CNTNAP2: variants seen among roughly 807,000 people sequenced by gnomAD.
CNTNAP2 encodes the protein contactin associated protein 2, also known as contactin-associated protein-like 2.
In CNTNAP2, 98 loss-of-function variants were observed where a neutral mutation model predicts 155.2. The observed-to-expected ratio is 0.63, with a 90% confidence interval of 0.54 to 0.75. The LOEUF is 0.75. Ranked by LOEUF, CNTNAP2 falls within the 30% of genes least tolerant of loss-of-function variation. The pLI is 0.00. For missense variants in CNTNAP2, 1,727 were observed against 1,688.1 expected, an observed-to-expected ratio of 1.02 and a Z score of -0.40; for synonymous variants, 651 against 631.2, an observed-to-expected ratio of 1.03 and a Z score of -0.47.
chr7:146,125,995 T>C (rs1797630568), intron 1 of CNTNAP2, among the ~76,000 whole-genome samples: 1 of 152,232 alleles, frequency 6.6e-6, no homozygotes, highest in Admixed American at 6.5e-5. Context: ...TAAATGTTTC[T>C]TCCCAGCCTT....
chr7:148,194,169 AT>A (rs957449717), intron 18 of CNTNAP2, among the ~76,000 whole-genome samples: 4 of 144,890 alleles, frequency 2.8e-5, no homozygotes, highest in Admixed American at 1.4e-4. Flanking sequence ...GTGTGTACAT[AT>A]TTTTTTTTGT....
In CNTNAP2 at chr7:147,455,275, G is replaced by A. The variant is rs907876835; in HGVS notation, c.1671-30660G>A. 1.3e-5 allele frequency among the ~76,000 whole-genome samples: 2 copies of A among 152,010 alleles called. 1 individual carries two copies. The highest frequency in any genetic ancestry group is 1.3e-4 in the Admixed American group (2 of 15,240). On this transcript the variant is annotated intron_variant, in intron 10 of 23. Coordinates refer to ENST00000361727, the MANE Select transcript of CNTNAP2 (RefSeq NM_014141.6). ...AATCAGGAATTAGTGATATACAACA[G>A]TAATTTCCACATCTATGTTTTCACT...
At chr7:146,671,848 C>T (rs1358850593) in intron 1 of CNTNAP2, among the ~76,000 whole-genome samples, 1 of 150,464 alleles carries the variant, frequency 6.6e-6, no homozygotes, top group Non-Finnish European at 1.5e-5. Context: ...TGGAGTCTAA[C>T]TCTGTCACCC....
intron 1 of CNTNAP2, among the ~76,000 whole-genome samples, chr7:146,395,786 TAGATAGATAGATAGATA>T (rs1795612565): frequency 1.1e-5 from 1 of 91,274 alleles, no homozygotes; most frequent in Non-Finnish European, 2.5e-5. Context: ...AGATGATAGA[TAGATAGATAGATAGATA>T]GATAGATAGA....
intron 13 of CNTNAP2, among the ~76,000 whole-genome samples, chr7:147,669,149 A>G (rs1795747244): frequency 6.6e-6 from 1 of 152,184 alleles, no homozygotes; most frequent in Non-Finnish European, 1.5e-5. Flanking sequence ...GGGTTTAAGT[A>G]CATTCTATGA....
chr7:147,890,561 T>C (rs1585012773), intron 13 of CNTNAP2, among the ~76,000 whole-genome samples: 2 of 152,334 alleles, frequency 1.3e-5, no homozygotes, highest in Middle Eastern at 3.4e-3. Context: ...TGCAGCATTA[T>C]TGATAGTAGC....
intron 21 of CNTNAP2, among the ~76,000 whole-genome samples, chr7:148,375,334 AT>A (rs967517353): frequency 6.8e-6 from 1 of 147,664 alleles, no homozygotes; most frequent in African/African-American, 2.5e-5. Context: ...AAATATATAT[AT>A]TTTTATATAT....
chr7:146,993,643 T>G (rs1798251544), intron 3 of CNTNAP2, among the ~76,000 whole-genome samples: 1 of 152,144 alleles, frequency 6.6e-6, no homozygotes, highest in African/African-American at 2.4e-5. Flanking sequence ...CGCTCAAGCC[T>G]TGTTACTACC....
chr7:147,930,222 G>C (rs2116797179), intron 14 of CNTNAP2, among the ~76,000 whole-genome samples: 1 of 152,200 alleles, frequency 6.6e-6, no homozygotes, highest in South Asian at 2.1e-4. Flanking sequence ...GCAATAGTAA[G>C]TCAATAATTA....
chr7:147,911,104 C>T (rs1465630688), intron 14 of CNTNAP2, among the ~76,000 whole-genome samples: 1 of 151,522 alleles, frequency 6.6e-6, no homozygotes, highest in African/African-American at 2.4e-5. Flanking sequence ...ACCCATTGAA[C>T]AGTAATTCCC....
At chr7:147,176,816 A>G (rs1433692116) in intron 8 of CNTNAP2, among the ~76,000 whole-genome samples, 1 of 126,516 alleles carries the variant, frequency 7.9e-6, no homozygotes. Flanking sequence ...TAATAGATAT[A>G]GAATAATTAT....
chr7:146,615,405 T>A (rs1799208204), intron 1 of CNTNAP2, among the ~76,000 whole-genome samples: 1 of 152,192 alleles, frequency 6.6e-6, no homozygotes. Context: ...ATTAGAGCCC[T>A]TCAGAAGGGC....
chr7:146,733,622 T>C (rs1801564428), intron 1 of CNTNAP2, among the ~76,000 whole-genome samples: 1 of 152,110 alleles, frequency 6.6e-6, no homozygotes. Flanking sequence ...GCGAATAAAC[T>C]GACATTTAAA....
At chr7:146,735,788 C>G (rs915721527) in intron 1 of CNTNAP2, among the ~76,000 whole-genome samples, 1 of 139,912 alleles carries the variant, frequency 7.1e-6, no homozygotes, top group Non-Finnish European at 1.5e-5. Flanking sequence ...GATTGGTTAA[C>G]AGACGTAAAA....
chr7:147,538,908 A>C (rs1313849789), intron 11 of CNTNAP2, among the ~76,000 whole-genome samples: 1 of 152,112 alleles, frequency 6.6e-6, no homozygotes, highest in Admixed American at 6.5e-5. Flanking sequence ...GCTCAATGTA[A>C]GAAAAAAATT....
intron 14 of CNTNAP2, among the ~76,000 whole-genome samples, chr7:147,957,682 T>A (rs933765267): frequency 2.6e-5 from 4 of 152,146 alleles, no homozygotes; most frequent in Non-Finnish European, 5.9e-5. Flanking sequence ...AAATCATCAG[T>A]TGATATACTA....
At chr7:146,173,079 T>G (rs1584786345) in intron 1 of CNTNAP2, among the ~76,000 whole-genome samples, 1 of 152,182 alleles carries the variant, frequency 6.6e-6, no homozygotes, top group East Asian at 1.9e-4. Flanking sequence ...CACAAGATTC[T>G]AAATGTTCAA....
intron 13 of CNTNAP2, among the ~76,000 whole-genome samples, chr7:147,770,227 A>G (rs1041251479): frequency 3.9e-5 from 6 of 152,176 alleles, no homozygotes; most frequent in African/African-American, 1.4e-4. Flanking sequence ...ATTACACGTG[A>G]TCTATGATAA....
At chr7:148,081,243 C>T (rs1304313231) in intron 15 of CNTNAP2, among the ~76,000 whole-genome samples, 12 of 151,982 alleles carry the variant, frequency 7.9e-5, no homozygotes, top group African/African-American at 2.9e-4. Flanking sequence ...GTGAGGGGGA[C>T]CTGAGAAAGC....
Sources: gnomAD v4.1 joint callset for allele counts (sites outside exome capture counted in the v4.1 genomes callset) on GRCh38, gnomAD v4.1.1 for gene constraint, MANE v1.5 for transcripts, NCBI Gene and HGNC (gene_info 2026-07-23, HGNC 2026-07-21) for gene names.